GORASP2: variants seen among roughly 807,000 people sequenced by gnomAD.
GORASP2 encodes Golgi reassembly-stacking protein 2.
Under a neutral mutation model 45.7 loss-of-function variants are expected in GORASP2, and 22 were observed. The observed-to-expected ratio is 0.48, with a 90% CI of 0.34 to 0.69. The LOEUF (loss-of-function observed/expected upper bound fraction) is 0.69. Among genes scored for constraint, GORASP2 ranks in the 30% least tolerant of loss-of-function variants. The pLI is 0.01. For missense variants in GORASP2, 491 were observed against 562.7 expected (o/e 0.87, Z 1.29); for synonymous variants, 221 against 215.6 (o/e 1.02, Z -0.22).
intron 1 of GORASP2, among the ~76,000 whole-genome samples, chr2:170,933,246 T>C (rs2105309276): frequency 6.6e-6 from 1 of 152,352 alleles, no homozygotes; most frequent in African/African-American, 2.4e-5. Context: ...GTGCTCACTA[T>C]GAATGGCACT....
chr2:170,935,572 C>CT (rs1197617014), intron 1 of GORASP2, among the ~76,000 whole-genome samples: 2,249 of 140,000 alleles, frequency 0.016, 58 homozygotes, highest in African/African-American at 0.048. Flanking sequence ...CGCCCCACCT[C>CT]TTTTTTTTTT....
At chr2:170,936,667 G>A in intron 1 of GORASP2, 1 of 1,297,426 alleles carries the variant, frequency 7.7e-7, no homozygotes, top group Non-Finnish European at 1.0e-6. Flanking sequence ...AAATAAGGAA[G>A]CTTAAGCCGG....
At chr2:170,930,603 A>G (rs1023517521) in intron 1 of GORASP2, among the ~76,000 whole-genome samples, 9 of 152,058 alleles carry the variant, frequency 5.9e-5, no homozygotes, top group Non-Finnish European at 1.3e-4. Flanking sequence ...TTGCCTTTCC[A>G]TTACACTAAA....
Position 170,949,641 on chromosome 2 carries a change from T to A in GORASP2, c.247T>A (p.Ser83Thr). 1 of 1,614,076 alleles carries A rather than the reference T, an allele frequency of 6.2e-7. No homozygotes were observed. Residue 83 changes from serine to threonine, a missense_variant, in exon 3 of 10, where the codon TCA becomes ACA. Around this residue, in one of 2 missense-constraint regions of GORASP2, gnomAD observed 194 missense variants for 270.4 expected, o/e 0.72. Coordinates refer to ENST00000234160, the MANE Select transcript of GORASP2 (RefSeq NM_015530.5). ...CAAAACATTGGAACTGCGAGAGACC[T>A]CAGTCACACCAAGTAACCTGTGGGG... ...SSKTLELRET[S>T]VTPSNLWGGQ...
upstream of GORASP2, chr2:170,929,226 C>A: frequency 1.3e-6 from 1 of 792,218 alleles, no homozygotes; most frequent in Non-Finnish European, 1.7e-6. Context: ...CGGCCCGGCT[C>A]TCCGGCGGCA....
At position 170,959,821 on chromosome 2, in the gene GORASP2, C is replaced by CTTTTTT. The variant is rs35210942; in HGVS notation, c.824-1829_824-1824dup. On this transcript the variant is annotated intron_variant, in intron 7 of 9. Coordinates refer to ENST00000234160, the MANE Select transcript of GORASP2 (RefSeq NM_015530.5). ...TTTTTCTGCAGTGTATCACCTTTTT[C>CTTTTTT]TTTTTTTTTTTTTTTTTTGAGACGG... Among the ~76,000 whole-genome samples the CTTTTTT allele has an allele frequency of 8.0e-5, 10 of 124,548 alleles. 1 individual carries two copies. The highest frequency in any genetic ancestry group is 9.7e-5 in the Non-Finnish European group (6 of 61,740). 81.7% of individuals were successfully genotyped at this position (124,548 alleles called of 152,430 possible). A position where few individuals can be genotyped will look rare whatever the true frequency, so the allele number is the denominator to read the frequency against.
chr2:170,957,013 C>T (rs1042770671), intron 7 of GORASP2, among the ~76,000 whole-genome samples: 13 of 152,178 alleles, frequency 8.5e-5, no homozygotes, highest in Non-Finnish European at 1.8e-4. Flanking sequence ...GTTGACAGGT[C>T]CTGGCTGTGA....
intron 9 of GORASP2, among the ~76,000 whole-genome samples, chr2:170,963,488 C>T (rs534281153): frequency 8.4e-5 from 10 of 118,910 alleles, no homozygotes; most frequent in African/African-American, 1.8e-4. Flanking sequence ...CTCCTCCTCC[C>T]GCCCCCCTCC....
At chr2:170,945,711 ACTT>A (rs1461696217) in intron 1 of GORASP2, among the ~76,000 whole-genome samples, 4 of 152,204 alleles carry the variant, frequency 2.6e-5, no homozygotes, top group African/African-American at 4.8e-5. Context: ...ATCAAGTTTT[ACTT>A]CTTCTGAGAC....
intron 6 of GORASP2, among the ~76,000 whole-genome samples, chr2:170,955,769 GAGA>G (rs1704411505): frequency 6.6e-6 from 1 of 152,230 alleles, no homozygotes; most frequent in Non-Finnish European, 1.5e-5. Flanking sequence ...TGGGTAGTCT[GAGA>G]AGATGACAGT....
chr2:170,933,130 AC>A (rs1261310102), intron 1 of GORASP2, among the ~76,000 whole-genome samples: 1 of 151,998 alleles, frequency 6.6e-6, no homozygotes, highest in African/African-American at 2.4e-5. Context: ...ATGCAAAATT[AC>A]TTTTAAAAAA....
chr2:170,950,349 G>T (rs1704271666), intron 4 of GORASP2, 59 bp downstream of exon 4: 1 of 794,882 alleles, frequency 1.3e-6, no homozygotes. Context: ...TGAGGTTTGA[G>T]TTGAGAAAGA....
chr2:170,935,889 G>A (rs910477466), intron 1 of GORASP2, among the ~76,000 whole-genome samples: 6 of 152,028 alleles, frequency 3.9e-5, no homozygotes, highest in East Asian at 3.9e-4. Context: ...ATATGCTTTC[G>A]TACTTATGTG....
chr2:170,943,747 AC>A (rs1704125973), intron 1 of GORASP2, among the ~76,000 whole-genome samples: 1 of 152,060 alleles, frequency 6.6e-6, no homozygotes, highest in Non-Finnish European at 1.5e-5. Flanking sequence ...ATCCTGACTC[AC>A]TGTAGTCTCG....
upstream of GORASP2, chr2:170,929,037 C>G (rs998773675): frequency 3.1e-6 from 1 of 323,332 alleles, no homozygotes; most frequent in Non-Finnish European, 5.6e-6. Context: ...CTGGGGGAAG[C>G]GCATTTCTGT....
At chr2:170,929,890 A>G (rs1222341288) in intron 1 of GORASP2, 2 of 409,326 alleles carry the variant, frequency 4.9e-6, no homozygotes, top group Non-Finnish European at 1.0e-5. Context: ...GCGCCGGCCG[A>G]GTGGCCTGAA....
Position 170,966,253 on chromosome 2 carries a change from C to A in GORASP2, c.*123C>A. The A allele has an allele frequency of 2.7e-6, 2 of 738,884 alleles. No individual in the cohort carries two copies. The highest frequency in any genetic ancestry group is 4.6e-6 in the Non-Finnish European group (2 of 433,368). The allele number at this position is 738,884 out of a possible 1,614,324, so 45.8% of individuals were successfully genotyped here. On this transcript the variant is annotated 3_prime_UTR_variant, in exon 10 of 10. Coordinates refer to ENST00000234160, the MANE Select transcript of GORASP2 (RefSeq NM_015530.5). The stretch of plus-strand genomic sequence containing the variant: ...TCTGTAGGCATCCTGTAAATAATTC[C>A]AAGGGGAAAACTAAACGAGGACGTG...
intron 1 of GORASP2, chr2:170,936,484 T>A (rs556504054): frequency 8.8e-5 from 33 of 373,132 alleles, no homozygotes; most frequent in South Asian, 7.5e-4. Flanking sequence ...CTTCCCAAAG[T>A]GTTGGGATTA....
chr2:170,962,607 T>C (rs1704589119), intron 8 of GORASP2, among the ~76,000 whole-genome samples: 1 of 152,226 alleles, frequency 6.6e-6, no homozygotes, highest in South Asian at 2.1e-4. Flanking sequence ...GTTATTTATT[T>C]TCATCTTCAC....
Sources: allele counts gnomAD v4.1 joint callset (sites outside exome capture counted in the v4.1 genomes callset), GRCh38; gene constraint gnomAD v4.1.1; regional missense constraint gnomAD v4.1.1; transcripts MANE v1.5; gene names NCBI Gene and HGNC (gene_info 2026-07-23, HGNC 2026-07-21).